BORCS8: variants seen among roughly 807,000 people sequenced by gnomAD.
BORCS8 encodes the protein BLOC-1 related complex subunit 8.
BORCS8 carries 13 observed loss-of-function variants against 18.7 expected under a neutral mutation model. The ratio of observed to expected loss-of-function variants is 0.70; its 90% CI spans 0.45 to 1.11. BORCS8 has a LOEUF of 1.11. Among genes scored for constraint, BORCS8 ranks in the 50% least tolerant of loss-of-function variants. BORCS8 has a pLI of 0.00. For synonymous variants in BORCS8, 68 were observed against 64.8 expected, an observed-to-expected ratio of 1.05 and a Z score of -0.24; for missense variants, 165 against 165.7, an observed-to-expected ratio of 1.00 and a Z score of 0.02.
chr19:19,186,862 C>A, intron 2 of BORCS8, 31 bp downstream of exon 2: 2 of 1,454,650 alleles, frequency 1.4e-6, no homozygotes, highest in South Asian at 1.3e-5. Context: ...GCCCTGACAG[C>A]CCCTGCTCCT....
chr19:19,191,347 C>T (rs907365646), intron 1 of BORCS8, among the ~76,000 whole-genome samples: 4 of 151,618 alleles, frequency 2.6e-5, no homozygotes, highest in Non-Finnish European at 5.9e-5. Context: ...AAAGAATTAG[C>T]CTGATGTGGT....
chr19:19,180,500 C>G (rs2060337456), intron 5 of BORCS8, 186 bp downstream of exon 5: 18 of 611,632 alleles, frequency 2.9e-5, no homozygotes, highest in Non-Finnish European at 4.7e-5. Context: ...GACATGGTCC[C>G]TGAGCAGCAG....
intron 2 of BORCS8, among the ~76,000 whole-genome samples, chr19:19,186,465 A>C (rs978857148): frequency 2.0e-5 from 3 of 152,204 alleles, no homozygotes; most frequent in Non-Finnish European, 4.4e-5. Context: ...CCAGGTGGAG[A>C]CAACTGAATC....
rs1476656665 is a variant in BORCS8, at chr19:19,182,496, C to A, written c.326+77G>T. On this transcript the variant is annotated intron_variant, in intron 4 of 5. Transcript: ENST00000462790. This position sits in a 1 kb window ranked among gnomAD's most constrained non-coding sequence, Gnocchi z 4.1. ...AGACAGTTTTCTAATAAGCGAGAAG[C>A]AGCGGTTCCCAGCGCAGCTGAGAGA... 3 of 1,499,308 alleles carry A rather than the reference C, an allele frequency of 2.0e-6. No homozygotes were observed. The African/African-American group carries it at 4.2e-5, about 21-fold the overall frequency. The allele number at this position is 1,499,308 out of a possible 1,614,324, so 92.9% of individuals were successfully genotyped here.
chr19:19,179,146 A>G, intron 5 of BORCS8: 1 of 153,410 alleles, frequency 6.5e-6, no homozygotes, highest in South Asian at 2.0e-4. Context: ...AGTGTCCTCG[A>G]GGCACAAAGT....
At chr19:19,177,696 G>GGAAGGAAAAGAAA in intron 5 of BORCS8, 1 of 74,650 alleles carries the variant, frequency 1.3e-5, no homozygotes, top group East Asian at 4.2e-4. Flanking sequence ...AAGGAAGGAA[G>GGAAGGAAAAGAAA]AGAAAAGAAA....
At chr19:19,185,408 A>T (rs4808185) in intron 3 of BORCS8, among the ~76,000 whole-genome samples, 7 of 152,042 alleles carry the variant, frequency 4.6e-5, no homozygotes, top group Non-Finnish European at 8.8e-5. Context: ...AACACCGGCC[A>T]GGCGTGGTGG....
chr19:19,182,641 G>A lies in BORCS8; in HGVS notation c.258C>T (p.Ser86=), dbSNP rs1274752019. 14 of 1,551,160 alleles carry A rather than the reference G, an allele frequency of 9.0e-6. No individual in the cohort carries two copies. Among genetic ancestry groups the A allele is most frequent in the East Asian group, 7.3e-5 (3 of 40,926 alleles). Residue 86 remains serine, a synonymous_variant, in exon 4 of 6, where the codon AGC becomes AGT. Coordinates refer to ENST00000462790, the MANE Select transcript of BORCS8 (RefSeq NM_001145784.2). This position sits in a 1 kb window ranked among gnomAD's most constrained non-coding sequence, Gnocchi z 4.1. ...NLVDSSVYFR[S]VEGLLKQAIS... The stretch of plus-strand genomic sequence containing the variant: ...TGGCCTGTTTGAGCAGACCCTCCAC[G>A]CTGCGGAAGTAGACGCTGCTGTCCA...
chr19:19,181,150 G>A (rs547753264), intron 4 of BORCS8, among the ~76,000 whole-genome samples: 5 of 151,226 alleles, frequency 3.3e-5, no homozygotes, highest in East Asian at 2.0e-4. Context: ...AGCTAAGATC[G>A]CACCAGTGCA....
intron 3 of BORCS8, among the ~76,000 whole-genome samples, chr19:19,183,898 ATT>A (rs899216180): frequency 7.5e-6 from 1 of 133,974 alleles, no homozygotes; most frequent in Non-Finnish European, 1.6e-5. Context: ...TTAATTTTTA[ATT>A]TTTTTTTTTG....
chr19:19,185,179 C>A (rs1204769725), intron 3 of BORCS8, among the ~76,000 whole-genome samples: 1 of 152,266 alleles, frequency 6.6e-6, no homozygotes, highest in Non-Finnish European at 1.5e-5. Context: ...TTCGCCCACA[C>A]AACCAAACAG....
At chr19:19,181,764 A>T in intron 4 of BORCS8, 1 of 716,592 alleles carries the variant, frequency 1.4e-6, no homozygotes, top group Non-Finnish European at 1.7e-6. Context: ...GTCTTAGTTA[A>T]GCAACACAGA....
Position 19,182,742 on chromosome 19 carries a change from C to T in BORCS8, c.216-59G>A. ...GGACCTGCAGGTAACTGTCCCACAC[C>T]CCAGCACTTGAGGTCACCACCAGGG... On this transcript the variant is annotated intron_variant, in intron 3 of 5. Transcript: ENST00000462790. The surrounding 1 kb of genome is among the most constrained non-coding windows in gnomAD (Gnocchi z 4.1). 1 of 1,497,200 alleles carries T rather than the reference C, an allele frequency of 6.7e-7. No homozygotes were observed. Among genetic ancestry groups the T allele is most frequent in the Non-Finnish European group, 8.9e-7 (1 of 1,118,334 alleles). 92.7% of individuals were successfully genotyped at this position (1,497,200 alleles called of 1,614,324 possible). A position where few individuals can be genotyped will look rare whatever the true frequency, so the allele number is the denominator to read the frequency against.
chr19:19,180,742 G>A lies in BORCS8; in HGVS notation c.346C>T (p.Pro116Ser), dbSNP rs1394903697. Residue 116 changes from proline to serine, a missense_variant, in exon 5 of 6, where the codon CCC becomes TCC. Pro to Ser is a moderately conservative substitution (Grantham distance 74). Transcript: ENST00000462790. ...CTCTTCCAGGATCAGGCTGAGGAGG[G>A]CGGGGGTGGTTCCTCCGGGCTGCAA... ...QGHSPEEPPP[P>S]SSA 1 of 1,550,104 alleles carries A rather than the reference G, an allele frequency of 6.5e-7. No homozygotes were observed. Among genetic ancestry groups the A allele is most frequent in the Admixed American group, 2.0e-5 (1 of 50,696 alleles).
rs1056050124 is a variant in BORCS8, at chr19:19,184,972, C to T, written c.215+1062G>A. ...TGACCCTGAACTCCTTTCAAGGCAT[C>T]CTCCCACCTCAGCCTCCTGAGTAGC... is the stretch of plus-strand genomic sequence containing the variant. On this transcript the variant is annotated intron_variant, in intron 3 of 5. Transcript: ENST00000462790. Among the ~76,000 whole-genome samples the T allele has an allele frequency of 3.9e-5, 6 of 152,222 alleles. 1 individual carries two copies. The South Asian group carries it at 1.0e-3, about 26-fold the overall frequency.
intron 3 of BORCS8, among the ~76,000 whole-genome samples, chr19:19,184,205 G>A (rs1224216817): frequency 2.0e-5 from 3 of 151,706 alleles, no homozygotes; most frequent in Non-Finnish European, 2.9e-5. Context: ...TAAAATTGAA[G>A]TGTGCTTAGC....
chr19:19,185,136 T>C (rs2060393578), intron 3 of BORCS8, among the ~76,000 whole-genome samples: 2 of 152,278 alleles, frequency 1.3e-5, no homozygotes, highest in Non-Finnish European at 2.9e-5. Context: ...GGCAGAATAC[T>C]GCCCCAGCAG....
At chr19:19,178,708 C>T (rs990955703) in intron 5 of BORCS8, 2 of 152,210 alleles carry the variant, frequency 1.3e-5, no homozygotes, top group Admixed American at 6.6e-5. Context: ...GCCTATAATC[C>T]CAGGACTTTG....
At chr19:19,190,041 G>A (rs59210450) in intron 1 of BORCS8, among the ~76,000 whole-genome samples, 4,507 of 152,180 alleles carry the variant, frequency 0.03, 235 homozygotes, top group African/African-American at 0.1. Flanking sequence ...ACACCATTCC[G>A]TCACTGGCTC....
Sources: gnomAD v4.1 joint callset for allele counts (sites outside exome capture counted in the v4.1 genomes callset) on GRCh38, gnomAD v4.1.1 for gene constraint, Gnocchi (gnomAD v3.1) non-coding constraint, MANE v1.5 for transcripts, NCBI Gene and HGNC (gene_info 2026-07-23, HGNC 2026-07-21) for gene names.